The following DGCR2 variants were observed in gnomAD, a reference collection of about 807,000 sequenced individuals.
The protein encoded by DGCR2 is integral membrane protein DGCR2/IDD.
DGCR2 carries 24 observed loss-of-function variants against 51.6 expected under a neutral mutation model. The ratio of observed to expected loss-of-function variants is 0.47; its 90% confidence interval spans 0.34 to 0.65. The LOEUF (loss-of-function observed/expected upper bound fraction) is 0.65, where lower values mean the gene tolerates loss of function less well. DGCR2 is among the 30% of genes least tolerant of loss of function. DGCR2 has a pLI of 0.01. For synonymous variants in DGCR2, 340 were observed against 315.4 expected (o/e 1.08, Z -0.82); for missense variants, 765 against 772.1 (o/e 0.99, Z 0.11).
chr22:19,061,146 G>A (rs759030524), intron 5 of DGCR2: 4 of 234,988 alleles, frequency 1.7e-5, no homozygotes, highest in Admixed American at 5.7e-5. Context: ...GGGTATTTTT[G>A]GGGGGGCCAA....
rs1491258740 is a variant in DGCR2 at position 19,062,775 on chromosome 22, G to GCTCTCTCTCTCTCTCTCTCTCTCTCT, written c.625+426_625+427insAGAGAGAGAGAGAGAGAGAGAGAGAG. Among the ~76,000 whole-genome samples the GCTCTCTCTCTCTCTCTCTCTCTCTCT allele has an allele frequency of 3.4e-4, 37 of 108,954 alleles. 2 individuals carry two copies. The highest frequency in any genetic ancestry group is 6.2e-4 in the Non-Finnish European group (32 of 51,512). The allele number at this position is 108,954 out of a possible 152,430, so 71.5% of individuals were successfully genotyped here. ...TCTTTGCGCACACACACACATGCAT[G>GCTCTCTCTCTCTCTCTCTCTCTCTCT]CTCACTCTCTCTCTCTCTCTCTCTC... On this transcript the variant is annotated intron_variant, in intron 5 of 9. Transcript: ENST00000263196.
intron 7 of DGCR2, among the ~76,000 whole-genome samples, chr22:19,044,155 G>A (rs1301377268): frequency 4.6e-5 from 7 of 152,312 alleles, no homozygotes; most frequent in Middle Eastern, 3.4e-3. Context: ...TCCCTCCAAG[G>A]TGGGGACCGG....
intron 2 of DGCR2, among the ~76,000 whole-genome samples, chr22:19,082,147 A>G (rs2082945325): frequency 6.7e-6 from 1 of 148,454 alleles, no homozygotes. Flanking sequence ...TCAGGGACTC[A>G]GGTGATTCTT....
chr22:19,045,423 C>A (rs1161885805), intron 7 of DGCR2: 1 of 152,240 alleles, frequency 6.6e-6, no homozygotes, highest in Non-Finnish European at 1.5e-5. Context: ...TATTTCTGGA[C>A]TGTTGTGTTC....
rs1491258740 is a variant in DGCR2 at position 19,062,775 on chromosome 22, G to GCTCTCTCT, written c.625+426_625+427insAGAGAGAG. ...TCTTTGCGCACACACACACATGCAT[G>GCTCTCTCT]CTCACTCTCTCTCTCTCTCTCTCTC... is the stretch of plus-strand genomic sequence containing the variant. On this transcript the variant is annotated intron_variant, in intron 5 of 9. Transcript: ENST00000263196. Among the ~76,000 whole-genome samples, 28 of 108,946 alleles carry GCTCTCTCT rather than the reference G, an allele frequency of 2.6e-4. 2 individuals are homozygous for GCTCTCTCT. Among genetic ancestry groups the GCTCTCTCT allele is most frequent in the South Asian group, 4.0e-4 (1 of 2,494 alleles). 71.5% of individuals were successfully genotyped at this position (108,946 alleles called of 152,430 possible).
chr22:19,073,259 A>T lies in DGCR2; in HGVS notation c.203-5034T>A. ...AGCCTGAGTGACAGTGAGACCTGTC[A>T]CACACACAAAAAAAAACTGAATACA... On this transcript the variant is annotated intron_variant, in intron 2 of 9. Coordinates refer to ENST00000263196, the MANE Select transcript of DGCR2 (RefSeq NM_005137.3). Among the ~76,000 whole-genome samples the T allele has an allele frequency of 1.3e-5, 2 of 151,912 alleles. 1 individual carries two copies. Among genetic ancestry groups the T allele is most frequent in the East Asian group, 3.9e-4 (2 of 5,146 alleles).
chr22:19,082,070 T>G (rs1368424229), intron 2 of DGCR2, among the ~76,000 whole-genome samples: 6 of 151,388 alleles, frequency 4.0e-5, no homozygotes, highest in Admixed American at 1.3e-4. Flanking sequence ...TTTTGTTTTT[T>G]TTTTTTTGAA....
At chr22:19,077,675 C>T (rs2082893264) in intron 2 of DGCR2, among the ~76,000 whole-genome samples, 1 of 152,112 alleles carries the variant, frequency 6.6e-6, no homozygotes, top group Non-Finnish European at 1.5e-5. Flanking sequence ...TTGGAGTCTG[C>T]TGAGATTCTA....
chr22:19,107,229 G>A (rs1478346637), intron 1 of DGCR2, among the ~76,000 whole-genome samples: 1 of 152,100 alleles, frequency 6.6e-6, no homozygotes, highest in African/African-American at 2.4e-5. Flanking sequence ...CCTGGACCCT[G>A]GAGCTCCTGA....
intron 2 of DGCR2, among the ~76,000 whole-genome samples, chr22:19,089,026 T>C (rs1004005901): frequency 2.0e-5 from 3 of 151,938 alleles, no homozygotes; most frequent in Non-Finnish European, 4.4e-5. Flanking sequence ...AGAGCCAGGA[T>C]GGGGATAAGG....
chr22:19,070,497 C>T (rs576098613), intron 2 of DGCR2, among the ~76,000 whole-genome samples: 3 of 152,212 alleles, frequency 2.0e-5, no homozygotes, highest in East Asian at 3.9e-4. Flanking sequence ...GGTAAAATTG[C>T]TCACAGAAAG....
At position 19,057,077 on chromosome 22, in the gene DGCR2, C is replaced by A. The variant is rs766462766; in HGVS notation, c.711G>T (p.Gln237His). ...ENDNVFCAQL[Q>H]CFHFPTLRHH... ...GCCGCAGGGTGGGGAAATGGAAGCA[C>A]TGAAGCTGGGCACAGAACACGTTGT... The change falls in exon 6 of 10, where the codon CAG becomes CAT. Residue 237 changes from glutamine (Q) to histidine (H), a missense_variant. Physicochemically the swap from Gln to His is conservative, Grantham distance 24. Transcript: ENST00000263196. This position sits in a 1 kb window ranked among gnomAD's most constrained non-coding sequence, Gnocchi z 5.1. The A allele has an allele frequency of 1.2e-6, 2 of 1,604,202 alleles. No individual in the cohort carries two copies. The highest frequency in any genetic ancestry group is 1.7e-6 in the Non-Finnish European group (2 of 1,175,528).
intron 2 of DGCR2, among the ~76,000 whole-genome samples, chr22:19,080,692 T>C (rs2145994795): frequency 6.6e-6 from 1 of 152,252 alleles, no homozygotes; most frequent in South Asian, 2.1e-4. Flanking sequence ...AAAAATTAGC[T>C]GGGCATGGTG....
chr22:19,039,270 C>G, intron 9 of DGCR2, 149 bp from the exon 10 acceptor site: 2 of 977,134 alleles, frequency 2.0e-6, no homozygotes, highest in Non-Finnish European at 3.0e-6. Context: ...CTCCCCCGGG[C>G]CTCAGATTTT....
In DGCR2 at chr22:19,065,025, C is replaced by T; in HGVS notation, c.371G>A (p.Gly124Asp). ...GTAGACCCGGTAGCAGCTGGCCGTG[C>T]CTTCGTAGTGGTGCCACCCTGTCGG... ...KCPTGWHHYEGTASCYRVYLS... is the reference protein window; with the variant it reads ...KCPTGWHHYEDTASCYRVYLS... The change falls in exon 4 of 10, where the codon GGC becomes GAC. Residue 124 changes from glycine to aspartate, a missense_variant. Physicochemically the swap from Gly to Asp is moderately conservative, Grantham distance 94. Transcript: ENST00000263196. 4 of 1,614,036 alleles carry T rather than the reference C, an allele frequency of 2.5e-6. No homozygotes were observed. The highest frequency in any genetic ancestry group is 3.4e-6 in the Non-Finnish European group (4 of 1,180,044).
At position 19,064,841 on chromosome 22, in the gene DGCR2, G is replaced by A. The variant is rs2082729505; in HGVS notation, c.548+7C>T. 1.9e-6 allele frequency: 3 copies of A among 1,612,648 alleles called. No individual in the cohort carries two copies. The highest frequency in any genetic ancestry group is 4.5e-5 in the East Asian group (2 of 44,866). ...CCAGCCCCTCAGGTCCCCAATCCAGGACTCACTTGCGCTGGTCCTTCCAAC... is the reference window on the plus strand; with the variant it reads ...CCAGCCCCTCAGGTCCCCAATCCAGAACTCACTTGCGCTGGTCCTTCCAAC... On this transcript the variant is annotated splice_region_variant and intron_variant, in intron 4 of 9. Coordinates refer to ENST00000263196, the MANE Select transcript of DGCR2 (RefSeq NM_005137.3).
intron 1 of DGCR2, among the ~76,000 whole-genome samples, chr22:19,101,358 C>A (rs1422523273): frequency 6.6e-6 from 1 of 152,142 alleles, no homozygotes; most frequent in Non-Finnish European, 1.5e-5. Context: ...TGTGGTATAG[C>A]TCTACAAAAG....
intron 2 of DGCR2, among the ~76,000 whole-genome samples, chr22:19,088,670 G>A (rs976371965): frequency 1.3e-5 from 2 of 152,130 alleles, no homozygotes; most frequent in East Asian, 1.9e-4. Context: ...TCTTAAAAAC[G>A]AATTCATGGA....
intron 7 of DGCR2, among the ~76,000 whole-genome samples, chr22:19,042,620 G>A (rs1171695630): frequency 6.6e-6 from 1 of 152,216 alleles, no homozygotes; most frequent in Non-Finnish European, 1.5e-5. Flanking sequence ...GGCTGCAAGG[G>A]AGTAGCATAG....
Sources: gnomAD v4.1 joint callset for allele counts (sites outside exome capture counted in the v4.1 genomes callset) on GRCh38, gnomAD v4.1.1 for gene constraint, Gnocchi (gnomAD v3.1) non-coding constraint, MANE v1.5 for transcripts, NCBI Gene and HGNC (gene_info 2026-07-23, HGNC 2026-07-21) for gene names.